The following ZNF490 variants were observed in gnomAD, a reference collection of about 807,000 sequenced individuals.
ZNF490 encodes the protein zinc finger protein 490.
In ZNF490, 11 loss-of-function variants were observed where a neutral mutation model predicts 17.7. That is an observed-to-expected ratio of 0.62 (90% CI 0.39 to 1.03). The LOEUF is 1.03. Among genes scored for constraint, ZNF490 ranks in the 50% least tolerant of loss-of-function variants. The pLI is 0.00. For synonymous variants in ZNF490, 222 were observed against 216.1 expected (o/e 1.03, Z -0.24); for missense variants, 542 against 643.4 (o/e 0.84, Z 1.71).
chr19:12,576,701 C>T lies in ZNF490; in HGVS notation c.*3784G>A, dbSNP rs2022641708. 6.6e-6 allele frequency among the ~76,000 whole-genome samples: 1 copy of T among 150,868 alleles called. No homozygotes were observed. The highest frequency in any genetic ancestry group is 2.1e-4 in the South Asian group (1 of 4,810). On this transcript the variant is annotated 3_prime_UTR_variant, in exon 5 of 5. Coordinates refer to ENST00000311437, the MANE Select transcript of ZNF490 (RefSeq NM_020714.3). ...TTGTGGTGGCACGCGCCTATAGTCCCAGCTACTCAGGAGGCTGAGGCAGGA... is the reference window on the plus strand; with the variant it reads ...TTGTGGTGGCACGCGCCTATAGTCCTAGCTACTCAGGAGGCTGAGGCAGGA...
Position 12,578,596 on chromosome 19 carries a change from G to T in ZNF490, c.*1889C>A, listed in dbSNP as rs2022676447. 2.0e-6 allele frequency: 2 copies of T among 985,354 alleles called. No individual in the cohort carries two copies. Among genetic ancestry groups the T allele is most frequent in the Non-Finnish European group, 2.4e-6 (2 of 829,968 alleles). The allele number at this position is 985,354 out of a possible 1,614,324, so 61.0% of individuals were successfully genotyped here. ...AATGCTGACAATGTCTGTGAATTAG[G>T]ATGTGCATAGGCAGATCCCACTTGG... is the stretch of plus-strand genomic sequence containing the variant. On this transcript the variant is annotated 3_prime_UTR_variant, in exon 5 of 5. Transcript: ENST00000311437.
chr19:12,603,597 T>C (rs1301756525), intron 2 of ZNF490, among the ~76,000 whole-genome samples: 9 of 151,848 alleles, frequency 5.9e-5, no homozygotes, highest in Non-Finnish European at 1.2e-4. Context: ...TTGAGACCAG[T>C]CTGGGCAACA....
intron 2 of ZNF490, among the ~76,000 whole-genome samples, chr19:12,596,790 C>G (rs2022938899): frequency 6.6e-6 from 1 of 152,154 alleles, no homozygotes; most frequent in Non-Finnish European, 1.5e-5. Context: ...CCTCCTCTCC[C>G]CTAGCTGCAA....
chr19:12,599,994 AT>A (rs2022982382), intron 2 of ZNF490, among the ~76,000 whole-genome samples: 2 of 152,220 alleles, frequency 1.3e-5, no homozygotes, highest in South Asian at 4.1e-4. Context: ...GTAATAAAAA[AT>A]CTATAAAAAT....
chr19:12,590,320 G>A (rs575076527), intron 2 of ZNF490, among the ~76,000 whole-genome samples: 3 of 150,938 alleles, frequency 2.0e-5, no homozygotes, highest in South Asian at 2.1e-4. Context: ...GGGTTCAAGA[G>A]ATTTTCCTGC....
At position 12,607,349 on chromosome 19, in the gene ZNF490, C is replaced by A. The variant is rs115287707; in HGVS notation, c.162+1809G>T. Among the ~76,000 whole-genome samples, 766 of 151,876 alleles carry A rather than the reference C, an allele frequency of 5.0e-3. 7 individuals are homozygous for A. The highest frequency in any genetic ancestry group is 0.014 in the African/African-American group (588 of 41,434). On this transcript the variant is annotated intron_variant, in intron 2 of 4. Transcript: ENST00000311437. ...GGGATTACAGATGTGCACAACCACACCTGGCTAAAAAAAGAATTTTTTTAA... is the reference window on the plus strand; with the variant it reads ...GGGATTACAGATGTGCACAACCACAACTGGCTAAAAAAAGAATTTTTTTAA...
At position 12,581,394 on chromosome 19, in the gene ZNF490, A is replaced by G. The variant is rs746864194; in HGVS notation, c.681T>C (p.Cys227=). The G allele has an allele frequency of 2.5e-6, 4 of 1,614,174 alleles. No individual in the cohort carries two copies. Among genetic ancestry groups the G allele is most frequent in the Non-Finnish European group, 3.4e-6 (4 of 1,179,994 alleles). ...AAAAGAGAAATGCGAAGGCTTTGCC[A>G]CATTCCTTACATTCATAGGGTTTCT... ...TGEKPYECKE[C]GKAFAFLFSF... is the part of the protein sequence containing the mutation. The change falls in exon 5 of 5, where the codon TGT becomes TGC. Residue 227 remains cysteine (C), a synonymous_variant. Transcript: ENST00000311437.
At chr19:12,596,357 G>A (rs1474734809) in intron 2 of ZNF490, among the ~76,000 whole-genome samples, 1 of 151,608 alleles carries the variant, frequency 6.6e-6, no homozygotes, top group African/African-American at 2.4e-5. Context: ...CTTCTCCACC[G>A]TTAAAATGGA....
At chr19:12,582,183 G>A (rs778859912) in intron 4 of ZNF490, among the ~76,000 whole-genome samples, 25 of 152,032 alleles carry the variant, frequency 1.6e-4, no homozygotes, top group Non-Finnish European at 3.4e-4. Context: ...TTACAGGCGT[G>A]AGCCACTGCG....
chr19:12,588,656 ACAG>A (rs2022830074), intron 2 of ZNF490, among the ~76,000 whole-genome samples: 1 of 152,250 alleles, frequency 6.6e-6, no homozygotes, highest in African/African-American at 2.4e-5. Flanking sequence ...TCATTCAGTA[ACAG>A]CAGAATATAC....
At chr19:12,581,886 G>T (rs781245858) in intron 4 of ZNF490, among the ~76,000 whole-genome samples, 162 bp from the exon 5 acceptor site, 1 of 152,020 alleles carries the variant, frequency 6.6e-6, no homozygotes, top group African/African-American at 2.4e-5. Flanking sequence ...TCTAGAACAG[G>T]CCGTGACCAT....
At chr19:12,588,945 G>A (rs567905491) in intron 2 of ZNF490, among the ~76,000 whole-genome samples, 1 of 152,300 alleles carries the variant, frequency 6.6e-6, no homozygotes, top group South Asian at 2.1e-4. Context: ...AGCAAAAGGA[G>A]TGCCTGGCTG....
Position 12,580,138 on chromosome 19 carries a change from CA to C in ZNF490, c.*346del. On this transcript the variant is annotated 3_prime_UTR_variant, in exon 5 of 5. Transcript: ENST00000311437. ...AAACAAAAACAAAAAACAAACCCCA[CA>C]AAAGATGGGATGGATATAGAATTTT... is the stretch of plus-strand genomic sequence containing the variant. The C allele has an allele frequency of 9.8e-7, 1 of 1,024,188 alleles. No individual in the cohort carries two copies. The highest frequency in any genetic ancestry group is 1.2e-6 in the Non-Finnish European group (1 of 855,662). The allele number at this position is 1,024,188 out of a possible 1,614,324, so 63.4% of individuals were successfully genotyped here. A position where few individuals can be genotyped will look rare whatever the true frequency, so the allele number is the denominator to read the frequency against.
rs573613755 is a variant in ZNF490, at chr19:12,609,090, A to G, written c.162+68T>C. 168 of 1,522,078 alleles carry G rather than the reference A, an allele frequency of 1.1e-4. No homozygotes were observed. The African/African-American group carries it at 2.1e-3, about 19-fold the overall frequency. The allele number at this position is 1,522,078 out of a possible 1,614,324, so 94.3% of individuals were successfully genotyped here. A position where few individuals can be genotyped will look rare whatever the true frequency, so the allele number is the denominator to read the frequency against. ...GACCCCCCCACAAAGAGGTCATAGA[A>G]GGACAGACCCAAATGGTCATTATAA... On this transcript the variant is annotated intron_variant, in intron 2 of 4. Coordinates refer to ENST00000311437, the MANE Select transcript of ZNF490 (RefSeq NM_020714.3).
chr19:12,600,854 GC>G (rs1054947755), intron 2 of ZNF490, among the ~76,000 whole-genome samples: 5 of 152,174 alleles, frequency 3.3e-5, no homozygotes, highest in Non-Finnish European at 7.3e-5. Flanking sequence ...ACTTTGGGAA[GC>G]CAAGGTGGGT....
chr19:12,578,797 T>G lies in ZNF490; in HGVS notation c.*1688A>C, dbSNP rs2145136069. ...TAGAGGGTGTTTCCTAACTTCTGAC[T>G]GGATGCCACAAAAGGCCTGCTGGGG... On this transcript the variant is annotated 3_prime_UTR_variant, in exon 5 of 5. Coordinates refer to ENST00000311437, the MANE Select transcript of ZNF490 (RefSeq NM_020714.3). 1 of 985,460 alleles carries G rather than the reference T, an allele frequency of 1.0e-6. No individual in the cohort carries two copies. Among genetic ancestry groups the G allele is most frequent in the South Asian group, 4.7e-5 (1 of 21,290 alleles). 61.0% of individuals were successfully genotyped at this position (985,460 alleles called of 1,614,324 possible).
chr19:12,580,552 C>T lies in ZNF490; in HGVS notation c.1523G>A (p.Gly508Asp), dbSNP rs756085754. The change falls in exon 5 of 5, where the codon GGT becomes GAT. Residue 508 changes from glycine (G) to aspartate (D), a missense_variant. Physicochemically the swap from Gly to Asp is moderately conservative, Grantham distance 94 (BLOSUM62 -1). Transcript: ENST00000311437. ...AGACTTTGAGTAACTGAAGGCTTTA[C>T]CACATTGTCTACACTGAAAGGGTCT... The part of the protein sequence containing the change: ...GERPFQCRQC[G>D]KAFSYSKSLH... 6.2e-7 allele frequency: 1 copy of T among 1,613,878 alleles called. No individual in the cohort carries two copies. The highest frequency in any genetic ancestry group is 1.1e-5 in the South Asian group (1 of 91,052).
intron 2 of ZNF490, among the ~76,000 whole-genome samples, chr19:12,605,763 G>A (rs1339030764): frequency 1.3e-5 from 2 of 152,180 alleles, no homozygotes; most frequent in African/African-American, 2.4e-5. Flanking sequence ...CCCAGCTGGT[G>A]TCTGCTTGAG....
In ZNF490 at chr19:12,609,221, A is replaced by T. The variant is rs763470107; in HGVS notation, c.118-19T>A. Reference sequence around the variant, plus strand: ...TCTGCATCTAATTAGAAACAAGAGGATGCATTTTGTGAGTTTCAGCAATTT... The same window carrying T: ...TCTGCATCTAATTAGAAACAAGAGGTTGCATTTTGTGAGTTTCAGCAATTT... On this transcript the variant is annotated intron_variant, in intron 1 of 4. Transcript: ENST00000311437. The T allele has an allele frequency of 6.2e-7, 1 of 1,613,250 alleles. No homozygotes were observed. The highest frequency in any genetic ancestry group is 2.2e-5 in the East Asian group (1 of 44,876).
Sources: allele counts gnomAD v4.1 joint callset (sites outside exome capture counted in the v4.1 genomes callset), GRCh38; gene constraint gnomAD v4.1.1; transcripts MANE v1.5; gene names NCBI Gene and HGNC (gene_info 2026-07-23, HGNC 2026-07-21).